SLC12A2: variants seen among roughly 807,000 people sequenced by gnomAD.
SLC12A2 encodes the protein solute carrier family 12 member 2.
Under a neutral mutation model 136.3 loss-of-function variants are expected in SLC12A2, and 67 were observed. That is an observed-to-expected ratio of 0.49 (90% confidence interval 0.40 to 0.60). SLC12A2 has a LOEUF of 0.60. SLC12A2 is among the 20% of genes least tolerant of loss of function. The pLI, the probability that SLC12A2 is intolerant of heterozygous loss-of-function variation, is 0.00. For missense variants in SLC12A2, 1,322 were observed against 1,534.7 expected (o/e 0.86, Z 2.32); for synonymous variants, 619 against 562.9 (o/e 1.10, Z -1.41).
At chr5:128,097,789 G>T (rs1394186472) in intron 1 of SLC12A2, among the ~76,000 whole-genome samples, 2 of 151,992 alleles carry the variant, frequency 1.3e-5, no homozygotes, top group Non-Finnish European at 2.9e-5. Flanking sequence ...AATATGTATG[G>T]TTTTTAAATA....
chr5:128,158,356 C>T (rs1762929402), intron 16 of SLC12A2, among the ~76,000 whole-genome samples, 192 bp downstream of exon 16: 1 of 152,160 alleles, frequency 6.6e-6, no homozygotes, highest in East Asian at 1.9e-4. Context: ...TCCTCCCACC[C>T]AGTAGCCTCA....
intron 4 of SLC12A2, among the ~76,000 whole-genome samples, chr5:128,121,017 C>T (rs1028019006): frequency 5.9e-5 from 9 of 151,992 alleles, no homozygotes; most frequent in South Asian, 4.2e-4. Flanking sequence ...TGCAGCTTTG[C>T]GGAAGTGTGA....
chr5:128,150,125 G>A (rs1469106466), intron 13 of SLC12A2, 27 bp downstream of exon 13: 1 of 1,366,012 alleles, frequency 7.3e-7, no homozygotes, highest in Admixed American at 1.7e-5. Flanking sequence ...AAAAAAGTTT[G>A]TAAATATCAT....
At chr5:128,158,189 T>C (rs1245905760) in intron 16 of SLC12A2, 25 bp downstream of exon 16, 1 of 1,558,050 alleles carries the variant, frequency 6.4e-7, no homozygotes, top group Admixed American at 1.8e-5. Context: ...TGTTTTCTTT[T>C]TCAAGTTTTT....
At chr5:128,181,177 C>G (rs572863079) in intron 23 of SLC12A2, among the ~76,000 whole-genome samples, 183 bp downstream of exon 23, 16 of 152,172 alleles carry the variant, frequency 1.1e-4, no homozygotes, top group African/African-American at 3.4e-4. Context: ...CTAGTAAATA[C>G]TTAATTTTAC....
At chr5:128,100,715 A>C (rs766121036) in intron 1 of SLC12A2, among the ~76,000 whole-genome samples, 2 of 152,174 alleles carry the variant, frequency 1.3e-5, no homozygotes, top group African/African-American at 4.8e-5. Context: ...TACTAGACAT[A>C]TACTTCTCTA....
intron 18 of SLC12A2, chr5:128,170,018 A>ATTC (rs1763321037): frequency 6.6e-6 from 1 of 152,188 alleles, no homozygotes; most frequent in Admixed American, 6.5e-5. Context: ...GACACTGCTC[A>ATTC]TTCTTTATCT....
intron 4 of SLC12A2, among the ~76,000 whole-genome samples, chr5:128,117,563 A>G (rs572584971): frequency 1.4e-4 from 22 of 152,294 alleles, no homozygotes; most frequent in African/African-American, 4.8e-4. Context: ...GAGACTTAGA[A>G]TATTCCAACT....
chr5:128,177,385 A>G (rs981541427), intron 21 of SLC12A2, among the ~76,000 whole-genome samples: 7 of 152,136 alleles, frequency 4.6e-5, no homozygotes, highest in African/African-American at 1.7e-4. Context: ...TTTCTGAAAT[A>G]TTAGACCCAG....
At chr5:128,118,857 C>A (rs1456249102) in intron 4 of SLC12A2, among the ~76,000 whole-genome samples, 3 of 151,928 alleles carry the variant, frequency 2.0e-5, no homozygotes, top group Admixed American at 6.6e-5. Flanking sequence ...TATAGAATAT[C>A]CAGAGGAGAG....
chr5:128,133,078 G>C (rs1762079215), intron 5 of SLC12A2, among the ~76,000 whole-genome samples: 1 of 151,448 alleles, frequency 6.6e-6, no homozygotes, highest in Non-Finnish European at 1.5e-5. Flanking sequence ...TTTTTTTCAA[G>C]TAATTCTCAG....
At chr5:128,116,462 T>TCTGTCCTGGA (rs1561666639) in intron 4 of SLC12A2, among the ~76,000 whole-genome samples, 2 of 151,256 alleles carry the variant, frequency 1.3e-5, no homozygotes, top group Non-Finnish European at 2.9e-5. Flanking sequence ...TGTGCAGTCT[T>TCTGTCCTGGA]CTGTCCTGGA....
chr5:128,102,341 C>T (rs1215294974), intron 1 of SLC12A2, among the ~76,000 whole-genome samples: 1 of 151,846 alleles, frequency 6.6e-6, no homozygotes, highest in Non-Finnish European at 1.5e-5. Flanking sequence ...TCTCTGTGCA[C>T]CCCCTTCTAA....
chr5:128,166,652 G>A (rs956111874), intron 17 of SLC12A2, among the ~76,000 whole-genome samples: 3 of 152,096 alleles, frequency 2.0e-5, no homozygotes. Context: ...CCAAGGGTTG[G>A]AGGGAGAAGG....
intron 17 of SLC12A2, among the ~76,000 whole-genome samples, chr5:128,162,189 A>C (rs1461672799): frequency 6.6e-6 from 1 of 152,178 alleles, no homozygotes; most frequent in Non-Finnish European, 1.5e-5. Flanking sequence ...TCTAGGAAGA[A>C]GGGACAAGGT....
chr5:128,148,759 A>T lies in SLC12A2; in HGVS notation c.1887A>T (p.Leu629=), dbSNP rs141016886. The T allele has an allele frequency of 3.8e-6, 6 of 1,592,502 alleles. No homozygotes were observed. Among genetic ancestry groups the T allele is most frequent in the Non-Finnish European group, 4.3e-6 (5 of 1,172,532 alleles). Reference sequence around the variant, plus strand: ...TTAATGTTTTCTTTCATTAGGCTCTATGTAAGGACAACATCTACCCAGCTT... The same window carrying T: ...TTAATGTTTTCTTTCATTAGGCTCTTTGTAAGGACAACATCTACCCAGCTT... ...LVSAPKIFQA[L]CKDNIYPAFQ... is the part of the protein sequence containing the mutation. Residue 629 remains leucine (L), a synonymous_variant, in exon 12 of 27, where the codon CTA becomes CTT. Transcript: ENST00000262461.
chr5:128,158,191 C>A, intron 16 of SLC12A2, 27 bp downstream of exon 16: 1 of 1,550,952 alleles, frequency 6.4e-7, no homozygotes, highest in South Asian at 1.2e-5. Flanking sequence ...TTTTCTTTTT[C>A]AAGTTTTTTT....
At chr5:128,131,243 T>TGA in intron 5 of SLC12A2, 37 bp downstream of exon 5, 1 of 1,604,606 alleles carries the variant, frequency 6.2e-7, no homozygotes, top group South Asian at 1.1e-5. Flanking sequence ...GTTTACCAAA[T>TGA]CTTTATTGAG....
chr5:128,118,981 T>TAA (rs1463318680), intron 4 of SLC12A2, among the ~76,000 whole-genome samples: 2 of 152,058 alleles, frequency 1.3e-5, no homozygotes, highest in Non-Finnish European at 2.9e-5. Flanking sequence ...AGAGGAGAGT[T>TAA]AATGGTTTAA....
Sources: gnomAD v4.1 joint callset for allele counts (sites outside exome capture counted in the v4.1 genomes callset) on GRCh38, gnomAD v4.1.1 for gene constraint, MANE v1.5 for transcripts, NCBI Gene and HGNC (gene_info 2026-07-23, HGNC 2026-07-21) for gene names.